The following SBF2 variants were observed in gnomAD, a reference collection of about 807,000 sequenced individuals.
SBF2 encodes SET binding factor 2.
SBF2 carries 112 observed loss-of-function variants against 225.2 expected under a neutral mutation model. The ratio of observed to expected loss-of-function variants is 0.50; its 90% CI spans 0.43 to 0.58. SBF2 has a LOEUF of 0.58. Among genes scored for constraint, SBF2 ranks in the 20% least tolerant of loss-of-function variants. The probability of loss-of-function intolerance (pLI) is 0.00; values close to 1 mark genes in which losing one functional copy is unlikely to be tolerated. For missense variants in SBF2, 1,996 were observed against 2,206.2 expected, an observed-to-expected ratio of 0.90 and a Z score of 1.91; for synonymous variants, 763 against 773.3, an observed-to-expected ratio of 0.99 and a Z score of 0.22.
intron 17 of SBF2, among the ~76,000 whole-genome samples, chr11:9,888,072 G>C (rs183155417): frequency 2.0e-5 from 3 of 152,130 alleles, no homozygotes; most frequent in East Asian, 1.9e-4. Flanking sequence ...ACAAACTCTC[G>C]TATCTATAGA....
chr11:10,202,527 T>A (rs984625369), intron 1 of SBF2, among the ~76,000 whole-genome samples: 10 of 152,226 alleles, frequency 6.6e-5, no homozygotes, highest in Admixed American at 5.9e-4. Context: ...GGCTCAGGCC[T>A]GTAATCCCAG....
intron 2 of SBF2, among the ~76,000 whole-genome samples, chr11:10,191,532 A>C (rs1957171409): frequency 6.6e-6 from 1 of 152,222 alleles, no homozygotes; most frequent in African/African-American, 2.4e-5. Flanking sequence ...AAGGAAAAGG[A>C]AAAAGAAAAT....
Position 10,226,598 on chromosome 11 carries a change from T to C in SBF2, c.56-32611A>G, listed in dbSNP as rs186573350. ...TGAGGTGTTTGGTTTTTTGTCCTTG[T>C]GATAGTTTGCTGAGAATGATGGTTT... is the stretch of plus-strand genomic sequence containing the variant. On this transcript the variant is annotated intron_variant, in intron 1 of 39. Transcript: ENST00000256190. 3.9e-5 allele frequency among the ~76,000 whole-genome samples: 6 copies of C among 152,174 alleles called. No individual in the cohort carries two copies. In the East Asian group the frequency reaches 9.7e-4, roughly 25 times the overall value.
At chr11:10,149,302 G>A (rs1005853368) in intron 2 of SBF2, 4 of 152,010 alleles carry the variant, frequency 2.6e-5, no homozygotes, top group Non-Finnish European at 4.4e-5. Flanking sequence ...GAAGTCTTAT[G>A]GGGTCTTTTT....
intron 13 of SBF2, among the ~76,000 whole-genome samples, chr11:9,987,241 C>T (rs1340570216): frequency 6.6e-6 from 1 of 152,074 alleles, no homozygotes; most frequent in Non-Finnish European, 1.5e-5. Context: ...ATGATTAAAG[C>T]TCTCAGCAGA....
intron 2 of SBF2, among the ~76,000 whole-genome samples, chr11:10,102,250 G>A (rs553089497): frequency 6.6e-6 from 1 of 152,362 alleles, no homozygotes. Flanking sequence ...CTGGGAACAT[G>A]TGGAGTTAGC....
rs188896750 is a variant in SBF2 at position 10,218,375 on chromosome 11, C to T, written c.56-24388G>A. Among the ~76,000 whole-genome samples, 98 of 142,674 alleles carry T rather than the reference C, an allele frequency of 6.9e-4. 1 individual carries two copies. The highest frequency in any genetic ancestry group is 6.0e-3 in the Admixed American group (81 of 13,400). 93.6% of individuals were successfully genotyped at this position (142,674 alleles called of 152,430 possible). On this transcript the variant is annotated intron_variant, in intron 1 of 39. Transcript: ENST00000256190. ...CTCCCACCAGATCCCTCCCATGACA[C>T]GTGGGAATTATGGGAGCTAAAATTC... is the stretch of plus-strand genomic sequence containing the variant.
intron 28 of SBF2, among the ~76,000 whole-genome samples, chr11:9,825,823 A>G (rs1418648538): frequency 6.6e-6 from 1 of 152,222 alleles, no homozygotes; most frequent in Non-Finnish European, 1.5e-5. Context: ...ACTGGCAAAT[A>G]GTGGATTAAA....
intron 2 of SBF2, among the ~76,000 whole-genome samples, chr11:10,117,972 G>A (rs992270004): frequency 1.3e-5 from 2 of 152,110 alleles, no homozygotes; most frequent in Non-Finnish European, 2.9e-5. Flanking sequence ...ATGTCATTCT[G>A]CATCTCACAA....
Position 10,053,398 on chromosome 11 carries a change from T to C in SBF2, c.142-10417A>G, listed in dbSNP as rs530703678. On this transcript the variant is annotated intron_variant, in intron 2 of 39. Coordinates refer to ENST00000256190, the MANE Select transcript of SBF2 (RefSeq NM_030962.4). ...AAGGTTAAGCAACCCCAAAATTGTT[T>C]TGTTTTTCCTGATACATTTCTAAAG... is the stretch of plus-strand genomic sequence containing the variant. Among the ~76,000 whole-genome samples the C allele has an allele frequency of 2.0e-5, 3 of 152,308 alleles. No individual in the cohort carries two copies. The East Asian group carries it at 5.8e-4, about 29-fold the overall frequency.
chr11:10,134,786 C>T (rs1403898198), intron 2 of SBF2, among the ~76,000 whole-genome samples: 1 of 152,152 alleles, frequency 6.6e-6, no homozygotes, highest in Non-Finnish European at 1.5e-5. Flanking sequence ...GTATAGCCTC[C>T]CTCCTGGCTG....
chr11:9,989,956 G>T (rs968771452), intron 12 of SBF2, among the ~76,000 whole-genome samples: 2 of 152,136 alleles, frequency 1.3e-5, no homozygotes, highest in African/African-American at 4.8e-5. Context: ...TTCAAGTCAG[G>T]ATGCTCAGAC....
chr11:10,218,976 G>C (rs1405344842), intron 1 of SBF2, among the ~76,000 whole-genome samples: 1 of 152,154 alleles, frequency 6.6e-6, no homozygotes, highest in Non-Finnish European at 1.5e-5. Context: ...GCTTTTCCAG[G>C]TGCATAGTGC....
At chr11:9,951,110 A>G (rs1865829471) in intron 16 of SBF2, among the ~76,000 whole-genome samples, 1 of 152,154 alleles carries the variant, frequency 6.6e-6, no homozygotes, top group Admixed American at 6.5e-5. Flanking sequence ...AAGGATGAGT[A>G]GGAGTTGGCC....
chr11:10,265,520 C>A (rs558935796), intron 1 of SBF2, among the ~76,000 whole-genome samples: 2 of 144,664 alleles, frequency 1.4e-5, no homozygotes, highest in African/African-American at 5.1e-5. Context: ...GGGGGGGTAT[C>A]AACACAGGGT....
rs997768337 is a variant in SBF2, at chr11:10,161,813, A to AT, written c.141+32088_141+32089insA. Among the ~76,000 whole-genome samples the AT allele has an allele frequency of 2.6e-4, 40 of 151,842 alleles. 1 individual carries two copies. Among genetic ancestry groups the AT allele is most frequent in the South Asian group, 1.5e-3 (7 of 4,804 alleles). On this transcript the variant is annotated intron_variant, in intron 2 of 39. Transcript: ENST00000256190. The stretch of plus-strand genomic sequence containing the variant: ...AGACCTCCTTCTCTACAAAAAAAAA[A>AT]AATAATAATTAAAAAATAAGGATTA...
At chr11:10,019,907 T>C (rs1948784564) in intron 6 of SBF2, among the ~76,000 whole-genome samples, 1 of 152,238 alleles carries the variant, frequency 6.6e-6, no homozygotes, top group Non-Finnish European at 1.5e-5. Flanking sequence ...CTTTCATTTT[T>C]ACCTCTGGCA....
chr11:9,933,103 A>G (rs1346822457), intron 16 of SBF2, among the ~76,000 whole-genome samples: 1 of 152,210 alleles, frequency 6.6e-6, no homozygotes, highest in Non-Finnish European at 1.5e-5. Flanking sequence ...CAACAAGAAG[A>G]GCTAACTATC....
At chr11:10,008,842 G>T (rs979230527) in intron 6 of SBF2, among the ~76,000 whole-genome samples, 5 of 152,220 alleles carry the variant, frequency 3.3e-5, no homozygotes, top group African/African-American at 1.2e-4. Context: ...GCATGTGGCA[G>T]GTAGGACTAT....
Sources: allele counts gnomAD v4.1 joint callset (sites outside exome capture counted in the v4.1 genomes callset), GRCh38; gene constraint gnomAD v4.1.1; transcripts MANE v1.5; gene names NCBI Gene and HGNC (gene_info 2026-07-23, HGNC 2026-07-21).